The following MACROD1 variants were observed in gnomAD, a reference collection of about 807,000 sequenced individuals.
The protein encoded by MACROD1 is mono-ADP ribosylhydrolase 1.
MACROD1 carries 31 observed loss-of-function variants against 41.4 expected under a neutral mutation model. That is an observed-to-expected ratio of 0.75 (90% confidence interval 0.56 to 1.01). MACROD1 has a LOEUF of 1.01. Among genes scored for constraint, MACROD1 ranks in the 50% least tolerant of loss-of-function variants. MACROD1 has a pLI of 0.00. For synonymous variants in MACROD1, 252 were observed against 203.4 expected, an observed-to-expected ratio of 1.24 and a Z score of -2.03; for missense variants, 473 against 460.0, an observed-to-expected ratio of 1.03 and a Z score of -0.26.
intron 3 of MACROD1, among the ~76,000 whole-genome samples, chr11:64,057,341 C>T (rs1295208062): frequency 1.3e-5 from 2 of 152,216 alleles, no homozygotes; most frequent in African/African-American, 4.8e-5. Context: ...CCTGTATGTG[C>T]ACAGCTCTTG....
intron 3 of MACROD1, among the ~76,000 whole-genome samples, chr11:64,127,635 C>G (rs898733308): frequency 6.6e-6 from 1 of 152,208 alleles, no homozygotes; most frequent in Non-Finnish European, 1.5e-5. Context: ...CCTGAGTCAC[C>G]ACAAGGGGAC....
At chr11:64,148,681 T>C (rs1417521486) in intron 3 of MACROD1, 16 of 945,124 alleles carry the variant, frequency 1.7e-5, no homozygotes, top group Non-Finnish European at 2.0e-5. Flanking sequence ...ACTTTACATA[T>C]GAATTAAGCA....
At chr11:64,059,124 G>GC (rs1481220377) in intron 3 of MACROD1, among the ~76,000 whole-genome samples, 1 of 152,200 alleles carries the variant, frequency 6.6e-6, no homozygotes, top group East Asian at 1.9e-4. Flanking sequence ...GGACGGAACA[G>GC]CCCCTGGTCC....
chr11:64,113,708 C>G (rs1298199519), intron 3 of MACROD1, among the ~76,000 whole-genome samples: 1 of 130,888 alleles, frequency 7.6e-6, no homozygotes, highest in Admixed American at 7.9e-5. Context: ...GATGGACGGA[C>G]AGGTGGATGC....
intron 3 of MACROD1, among the ~76,000 whole-genome samples, chr11:64,111,006 C>T (rs1197045230): frequency 6.6e-6 from 1 of 152,216 alleles, no homozygotes; most frequent in South Asian, 2.1e-4. Context: ...GGCCCACAGA[C>T]AGTGGAGCGG....
chr11:64,069,449 C>G (rs1455142559), intron 3 of MACROD1, among the ~76,000 whole-genome samples: 1 of 152,248 alleles, frequency 6.6e-6, no homozygotes, highest in Non-Finnish European at 1.5e-5. Context: ...GCCCACTCCC[C>G]AAGGACAAGC....
intron 3 of MACROD1, among the ~76,000 whole-genome samples, chr11:64,062,992 C>T (rs1943933129): frequency 6.6e-6 from 1 of 152,234 alleles, no homozygotes; most frequent in Non-Finnish European, 1.5e-5. Context: ...GGGGACAGGG[C>T]TCCCGGCCCA....
chr11:64,151,298 T>C lies in MACROD1; in HGVS notation c.458A>G (p.Lys153Arg), dbSNP rs139201118. Residue 153 changes from lysine to arginine, a missense_variant, in exon 3 of 11, where the codon AAA becomes AGA. Physicochemically the swap from Lys to Arg is conservative, Grantham distance 26 (BLOSUM62 2). Transcript: ENST00000255681. ...RYKKDKQLNEKISLLRSDITK... is the reference protein window; with the variant it reads ...RYKKDKQLNERISLLRSDITK... ...GATGTCGCTGCGGAGCAGGGAGATT[T>C]TCTCATTGAGCTGCTTGTCCTTTTT... 10 of 1,613,862 alleles carry C rather than the reference T, an allele frequency of 6.2e-6. No homozygotes were observed. Among genetic ancestry groups the C allele is most frequent in the Non-Finnish European group, 7.6e-6 (9 of 1,180,022 alleles).
At chr11:64,164,478 C>T (rs1038904890) in intron 1 of MACROD1, among the ~76,000 whole-genome samples, 1 of 152,248 alleles carries the variant, frequency 6.6e-6, no homozygotes, top group Non-Finnish European at 1.5e-5. Context: ...TCTGTGGGGA[C>T]AGTGGCTCCC....
intron 2 of MACROD1, among the ~76,000 whole-genome samples, chr11:64,152,007 T>C (rs1945586608): frequency 6.6e-6 from 1 of 152,098 alleles, no homozygotes; most frequent in Non-Finnish European, 1.5e-5. Context: ...TGCATGTCTG[T>C]AATCCCAGCT....
At chr11:64,008,946 G>A (rs1942958568) in intron 4 of MACROD1, 1 of 152,218 alleles carries the variant, frequency 6.6e-6, no homozygotes, top group Non-Finnish European at 1.5e-5. Context: ...CCAGAGGAAG[G>A]CGGCCCTGAA....
At chr11:64,069,798 G>T (rs567092131) in intron 3 of MACROD1, among the ~76,000 whole-genome samples, 1 of 152,236 alleles carries the variant, frequency 6.6e-6, no homozygotes, top group African/African-American at 2.4e-5. Flanking sequence ...CACTGCAGAC[G>T]CAGCAGACGC....
At chr11:64,081,531 C>T (rs1168833919) in intron 3 of MACROD1, among the ~76,000 whole-genome samples, 1 of 152,148 alleles carries the variant, frequency 6.6e-6, no homozygotes, top group South Asian at 2.1e-4. Context: ...GTGTAACACC[C>T]CCCCGACCCC....
chr11:64,043,962 C>T (rs1943537200), intron 3 of MACROD1, among the ~76,000 whole-genome samples: 1 of 151,974 alleles, frequency 6.6e-6, no homozygotes, highest in South Asian at 2.1e-4. Context: ...TACAGGTGCC[C>T]GCCACCACGC....
At chr11:64,084,722 C>T (rs10751006) in intron 3 of MACROD1, among the ~76,000 whole-genome samples, 51,849 of 152,102 alleles carry the variant, frequency 0.34, 9,478 homozygotes, top group East Asian at 0.48. Flanking sequence ...CGTGCTGCTT[C>T]GGCTCAGCCC....
chr11:64,127,425 A>G (rs1235382243), intron 3 of MACROD1, among the ~76,000 whole-genome samples: 2 of 127,790 alleles, frequency 1.6e-5, no homozygotes, highest in African/African-American at 2.9e-5. Flanking sequence ...CCCTCCCCGG[A>G]CCTTGCCCCC....
chr11:64,069,728 C>T (rs1024406288), intron 3 of MACROD1, among the ~76,000 whole-genome samples: 1 of 152,168 alleles, frequency 6.6e-6, no homozygotes, highest in Non-Finnish European at 1.5e-5. Flanking sequence ...ACCCCCGGGC[C>T]CGGCCCCGGC....
chr11:64,141,396 C>T lies in MACROD1; in HGVS notation c.517+9843G>A, dbSNP rs182052834. On this transcript the variant is annotated intron_variant, in intron 3 of 10. Coordinates refer to ENST00000255681, the MANE Select transcript of MACROD1 (RefSeq NM_014067.4). ...TTGCCATCTGCACAGAGCCGGGGAG[C>T]GGGGGCACTGTGGCCACCACGTGCT... is the stretch of plus-strand genomic sequence containing the variant. 2.2e-3 allele frequency among the ~76,000 whole-genome samples: 334 copies of T among 152,310 alleles called. 1 individual carries two copies. The highest frequency in any genetic ancestry group is 7.5e-3 in the African/African-American group (311 of 41,570).
chr11:64,145,595 C>T (rs1945484460), intron 3 of MACROD1, among the ~76,000 whole-genome samples: 1 of 152,198 alleles, frequency 6.6e-6, no homozygotes, highest in South Asian at 2.1e-4. Context: ...GGACCCTGAC[C>T]TGCTCCTGGC....
Sources: allele counts gnomAD v4.1 joint callset (sites outside exome capture counted in the v4.1 genomes callset), GRCh38; gene constraint gnomAD v4.1.1; transcripts MANE v1.5; gene names NCBI Gene and HGNC (gene_info 2026-07-23, HGNC 2026-07-21).